Variants in SH3PXD2A observed in about 807,000 individuals in gnomAD.
SH3PXD2A encodes SH3 and PX domain-containing protein 2A.
A neutral mutation model predicts 115.2 loss-of-function variants in SH3PXD2A; 32 were observed. That is an observed-to-expected ratio of 0.28 (90% CI 0.21 to 0.37). SH3PXD2A has a LOEUF of 0.37. SH3PXD2A is among the 10% of genes least tolerant of loss of function. The pLI is 1.00. For synonymous variants in SH3PXD2A, 610 were observed against 629.1 expected (o/e 0.97, Z 0.45); for missense variants, 1,328 against 1,498.7 (o/e 0.89, Z 1.88).
At chr10:103,716,502 T>C (rs2038106479) in intron 5 of SH3PXD2A, among the ~76,000 whole-genome samples, 1 of 152,158 alleles carries the variant, frequency 6.6e-6, no homozygotes, top group Non-Finnish European at 1.5e-5. Context: ...TCCCATGCAA[T>C]GTCAAGAATT....
chr10:103,855,176 C>G lies in SH3PXD2A; in HGVS notation c.72+19G>C, dbSNP rs1161354363. On this transcript the variant is annotated intron_variant, in intron 1 of 14. Coordinates refer to ENST00000369774, the MANE Select transcript of SH3PXD2A (RefSeq NM_001394015.1). ...GACCTCGGGCCACCCCCAGCAGGGT[C>G]GGCGGGGGCTGTACTCACGTAGTGC... is the stretch of plus-strand genomic sequence containing the variant. The G allele has an allele frequency of 1.3e-6, 2 of 1,516,936 alleles. No individual in the cohort carries two copies. The highest frequency in any genetic ancestry group is 1.8e-6 in the Non-Finnish European group (2 of 1,127,810). The allele number at this position is 1,516,936 out of a possible 1,614,324, so 94.0% of individuals were successfully genotyped here.
intron 8 of SH3PXD2A, among the ~76,000 whole-genome samples, chr10:103,656,662 T>G (rs753624218): frequency 3.2e-4 from 48 of 152,156 alleles, no homozygotes; most frequent in Non-Finnish European, 5.9e-4. Flanking sequence ...AAACCCTGTC[T>G]CTACTAAAAA....
At chr10:103,836,682 T>TACAC (rs55855121) in intron 1 of SH3PXD2A, among the ~76,000 whole-genome samples, 16,700 of 148,086 alleles carry the variant, frequency 0.11, 948 homozygotes, top group Middle Eastern at 0.15. Flanking sequence ...CACAGACATG[T>TACAC]ACACACACAC....
chr10:103,832,370 G>GAAAAAAAAAAA (rs58886791), intron 1 of SH3PXD2A, among the ~76,000 whole-genome samples: 2 of 128,034 alleles, frequency 1.6e-5, no homozygotes, highest in Non-Finnish European at 1.7e-5. Context: ...AACCTAAAAA[G>GAAAAAAAAAAA]AAAAAAAAAA....
chr10:103,616,019 C>T (rs1318706268), intron 11 of SH3PXD2A, among the ~76,000 whole-genome samples: 1 of 2,030 alleles, frequency 4.9e-4, no homozygotes, highest in Non-Finnish European at 9.2e-4. Context: ...ACCAGGGCTC[C>T]GGGGTGGGGC....
intron 2 of SH3PXD2A, among the ~76,000 whole-genome samples, chr10:103,794,866 G>A (rs17115994): frequency 0.02 from 2,972 of 152,362 alleles, 40 homozygotes; most frequent in South Asian, 0.029. Flanking sequence ...GTTTCCAGAA[G>A]AAGTGTTTGG....
At chr10:103,702,034 TCCATCATCCATCTATCCATCCA>T (rs951376750) in intron 5 of SH3PXD2A, among the ~76,000 whole-genome samples, 1 of 142,632 alleles carries the variant, frequency 7.0e-6, no homozygotes, top group Admixed American at 6.8e-5. Flanking sequence ...CCATCCACCA[TCCATCATCCATCTATCCATCCA>T]CCATCATCCA....
chr10:103,692,216 C>A (rs2037761022), intron 6 of SH3PXD2A, among the ~76,000 whole-genome samples: 1 of 152,210 alleles, frequency 6.6e-6, no homozygotes, highest in Admixed American at 6.5e-5. Flanking sequence ...TTAACTACAG[C>A]CCGCCCACAT....
At position 103,789,493 on chromosome 10, in the gene SH3PXD2A, C is replaced by A. The variant is rs142226601; in HGVS notation, c.153+11789G>T. On this transcript the variant is annotated intron_variant, in intron 2 of 14. Coordinates refer to ENST00000369774, the MANE Select transcript of SH3PXD2A (RefSeq NM_001394015.1). Reference sequence around the variant, plus strand: ...ATTCCCTCCAGCAGGAAGAGAGTGACCTGGTCACACCTGAAGCTTCACAGG... The same window carrying A: ...ATTCCCTCCAGCAGGAAGAGAGTGAACTGGTCACACCTGAAGCTTCACAGG... 9.4e-3 allele frequency among the ~76,000 whole-genome samples: 1,427 copies of A among 152,062 alleles called. 10 individuals carry two copies. Among genetic ancestry groups the A allele is most frequent in the Non-Finnish European group, 0.013 (872 of 67,982 alleles).
intron 5 of SH3PXD2A, among the ~76,000 whole-genome samples, chr10:103,700,806 G>A (rs2037883917): frequency 6.6e-6 from 1 of 152,212 alleles, no homozygotes; most frequent in African/African-American, 2.4e-5. Flanking sequence ...ACTTCCAGGG[G>A]CTACATGCCA....
chr10:103,681,433 G>A (rs930875468), intron 6 of SH3PXD2A, among the ~76,000 whole-genome samples: 1 of 152,218 alleles, frequency 6.6e-6, no homozygotes, highest in African/African-American at 2.4e-5. Flanking sequence ...CATCAAAGAC[G>A]CAACCCTAGC....
At chr10:103,743,833 A>G (rs1403074886) in intron 3 of SH3PXD2A, among the ~76,000 whole-genome samples, 7 of 152,258 alleles carry the variant, frequency 4.6e-5, no homozygotes, top group African/African-American at 7.2e-5. Flanking sequence ...TCGTCAAGAT[A>G]TATCAACTTT....
At chr10:103,695,292 A>G (rs965976979) in intron 5 of SH3PXD2A, among the ~76,000 whole-genome samples, 2 of 152,124 alleles carry the variant, frequency 1.3e-5, no homozygotes, top group Non-Finnish European at 2.9e-5. Context: ...GGCTGTTCCT[A>G]TGAGACAGGG....
intron 1 of SH3PXD2A, among the ~76,000 whole-genome samples, chr10:103,803,283 CT>C (rs1299559794): frequency 1.3e-5 from 2 of 152,152 alleles, no homozygotes; most frequent in African/African-American, 2.4e-5. Context: ...AAGGCCACCC[CT>C]ATCTTCATCA....
chr10:103,688,968 G>T (rs889123882), intron 6 of SH3PXD2A, among the ~76,000 whole-genome samples: 2 of 152,088 alleles, frequency 1.3e-5, no homozygotes, highest in Non-Finnish European at 2.9e-5. Flanking sequence ...CTGGGTTCAA[G>T]TGATCCTCCC....
At chr10:103,765,300 C>T (rs977677598) in intron 3 of SH3PXD2A, among the ~76,000 whole-genome samples, 2 of 152,164 alleles carry the variant, frequency 1.3e-5, no homozygotes, top group Non-Finnish European at 2.9e-5. Context: ...AGGCCCCCCT[C>T]GTTCAGGAGG....
intron 4 of SH3PXD2A, among the ~76,000 whole-genome samples, chr10:103,730,232 C>CCT (rs2038299332): frequency 8.5e-6 from 1 of 118,268 alleles, no homozygotes. Context: ...TTTCTCGTTT[C>CCT]TTTTTTTTTT....
Position 103,747,262 on chromosome 10 carries a change from G to A in SH3PXD2A, c.230-11454C>T, listed in dbSNP as rs1227101210. Among the ~76,000 whole-genome samples the A allele has an allele frequency of 5.9e-5, 9 of 152,332 alleles. No homozygotes were observed. In the South Asian group the frequency reaches 1.9e-3, roughly 32 times the overall value. On this transcript the variant is annotated intron_variant, in intron 3 of 14. Coordinates refer to ENST00000369774, the MANE Select transcript of SH3PXD2A (RefSeq NM_001394015.1). ...GGGTGGATTCACCCTCCAGGACGCA[G>A]ACACAGTGGGGCCAGAGTGTGGTTA...
At position 103,661,106 on chromosome 10, in the gene SH3PXD2A, C is replaced by T. The variant is rs778626806; in HGVS notation, c.481G>A (p.Ala161Thr). Residue 161 changes from alanine (A) to threonine (T), a missense_variant, in exon 8 of 15, where the codon GCC (alanine) becomes ACC (threonine). Physicochemically the swap from Ala to Thr is moderately conservative, Grantham distance 58 (BLOSUM62 0). This residue lies in a region of SH3PXD2A where 90 missense variants were observed against 71.1 expected (regional missense o/e 1.27). Coordinates refer to ENST00000369774, the MANE Select transcript of SH3PXD2A (RefSeq NM_001394015.1). ...TCCAGGATCATGGGCTCGGCGGTGG[C>T]GTCGGCACCTGGCGAGGGCAGAAAG... Reference protein sequence around the residue: ...SPKKDVTGADATAEPMILEQY... With the variant: ...SPKKDVTGADTTAEPMILEQY... 14 of 1,613,096 alleles carry T rather than the reference C, an allele frequency of 8.7e-6. No homozygotes were observed. The highest frequency in any genetic ancestry group is 1.2e-5 in the Non-Finnish European group (14 of 1,179,506).
Sources: allele counts gnomAD v4.1 joint callset (sites outside exome capture counted in the v4.1 genomes callset), GRCh38; gene constraint gnomAD v4.1.1; regional missense constraint gnomAD v4.1.1; transcripts MANE v1.5; gene names NCBI Gene and HGNC (gene_info 2026-07-23, HGNC 2026-07-21).